SULT1E1: variants seen among roughly 807,000 people sequenced by gnomAD.
The protein encoded by SULT1E1 is sulfotransferase 1E1.
In SULT1E1, 36 loss-of-function variants were observed where a neutral mutation model predicts 33.6. That is an observed-to-expected ratio of 1.07 (90% CI 0.82 to 1.41). SULT1E1 has a LOEUF of 1.41. Ranked by LOEUF, SULT1E1 falls within the 40% of genes most tolerant of loss-of-function variation. SULT1E1 has a pLI of 0.00. For synonymous variants in SULT1E1, 121 were observed against 111.7 expected (o/e 1.08, Z -0.53); for missense variants, 371 against 345.7 (o/e 1.07, Z -0.58).
the SULT1E1 span, among the ~76,000 whole-genome samples, chr4:69,828,589 C>A: frequency 6.6e-6 from 1 of 152,150 alleles, no homozygotes. Context: ...ACAGTCACTG[C>A]AAGCTTCCGT....
Position 69,841,858 on chromosome 4 carries a change from GT to G in SULT1E1, c.*135del. On this transcript the variant is annotated 3_prime_UTR_variant, in exon 8 of 8. Coordinates refer to ENST00000226444, the MANE Select transcript of SULT1E1 (RefSeq NM_005420.3). Reference sequence around the variant, plus strand: ...TCTGTCTCAAAAAAAAAAAAAAAAAGTTAAACAAAAATTTAAAAAGAAAATG... The same window carrying G: ...TCTGTCTCAAAAAAAAAAAAAAAAAGTAAACAAAAATTTAAAAAGAAAATG... 1 of 406,072 alleles carries G rather than the reference GT, an allele frequency of 2.5e-6. No individual in the cohort carries two copies. The highest frequency in any genetic ancestry group is 4.2e-6 in the Non-Finnish European group (1 of 236,926). The allele number at this position is 406,072 out of a possible 1,614,324, so 25.2% of individuals were successfully genotyped here.
chr4:69,852,584 T>G (rs1364025148), intron 4 of SULT1E1, among the ~76,000 whole-genome samples: 1 of 152,194 alleles, frequency 6.6e-6, no homozygotes, highest in African/African-American at 2.4e-5. Context: ...AGCCTGTTAC[T>G]TTTTGTCACT....
At chr4:69,857,958 C>A (rs1312130536) in intron 1 of SULT1E1, among the ~76,000 whole-genome samples, 1 of 152,098 alleles carries the variant, frequency 6.6e-6, no homozygotes, top group Non-Finnish European at 1.5e-5. Context: ...ATAAAAACCA[C>A]AGAACCTTCA....
At chr4:69,833,807 G>A in the SULT1E1 span, among the ~76,000 whole-genome samples, 2 of 152,114 alleles carry the variant, frequency 1.3e-5, no homozygotes, top group Admixed American at 6.6e-5. Flanking sequence ...AACCCATGGA[G>A]ACATTGATTC....
chr4:69,854,109 T>G (rs1030735519), intron 4 of SULT1E1, 108 bp downstream of exon 4: 2 of 673,460 alleles, frequency 3.0e-6, no homozygotes, highest in Non-Finnish European at 5.0e-6. Flanking sequence ...TTGTTAAGTG[T>G]CTATAGATTC....
chr4:69,843,057 C>T (rs974285089), intron 7 of SULT1E1, among the ~76,000 whole-genome samples: 3 of 152,026 alleles, frequency 2.0e-5, no homozygotes, highest in East Asian at 1.9e-4. Flanking sequence ...AGGATGGTCT[C>T]GATCTCCTGA....
intron 4 of SULT1E1, among the ~76,000 whole-genome samples, chr4:69,852,312 A>G (rs1048934172): frequency 1.3e-5 from 2 of 152,072 alleles, no homozygotes; most frequent in African/African-American, 4.8e-5. Context: ...GGTGTGTGTG[A>G]TCTACTTGAT....
chr4:69,826,363 G>A, the SULT1E1 span, among the ~76,000 whole-genome samples: 2 of 152,080 alleles, frequency 1.3e-5, no homozygotes, highest in African/African-American at 4.8e-5. Flanking sequence ...GGACAGGCAT[G>A]GGTGCAGGTT....
At chr4:69,834,502 A>G in the SULT1E1 span, among the ~76,000 whole-genome samples, 2 of 152,118 alleles carry the variant, frequency 1.3e-5, no homozygotes, top group African/African-American at 4.8e-5. Flanking sequence ...TTCAGTGTTC[A>G]TCTCAAGCTG....
At chr4:69,854,449 A>T (rs1280372111) in intron 3 of SULT1E1, 135 bp from the exon 4 acceptor site, 5 of 582,568 alleles carry the variant, frequency 8.6e-6, no homozygotes, top group Non-Finnish European at 1.4e-5. Flanking sequence ...CACAAAGTAT[A>T]AATTCTTGAG....
downstream of SULT1E1, among the ~76,000 whole-genome samples, chr4:69,837,782 T>C (rs72648478): frequency 0.12 from 18,579 of 152,160 alleles, 1,266 homozygotes; most frequent in Middle Eastern, 0.18. Context: ...CCTCCCACCT[T>C]GACCTCCCAA....
At chr4:69,836,309 G>A (rs1720796819), downstream of SULT1E1, among the ~76,000 whole-genome samples, 1 of 152,152 alleles carries the variant, frequency 6.6e-6, no homozygotes, top group African/African-American at 2.4e-5. Context: ...TCTTGAGCAA[G>A]TCATTTATCT....
At chr4:69,848,942 A>C (rs1369001365) in intron 5 of SULT1E1, among the ~76,000 whole-genome samples, 1 of 151,912 alleles carries the variant, frequency 6.6e-6, no homozygotes, top group African/African-American at 2.4e-5. Context: ...AAATATTCAG[A>C]TTGCACTCTG....
intron 2 of SULT1E1, 97 bp from the exon 3 acceptor site, chr4:69,855,523 T>C: frequency 4.8e-6 from 6 of 1,254,492 alleles, no homozygotes; most frequent in Non-Finnish European, 6.5e-6. Flanking sequence ...AAGGTACCAA[T>C]GCAATACTAT....
chr4:69,855,003 C>T (rs1721207016), intron 3 of SULT1E1, among the ~76,000 whole-genome samples: 1 of 151,622 alleles, frequency 6.6e-6, no homozygotes. Flanking sequence ...GGGTATTTTT[C>T]TCCATATTTA....
intron 3 of SULT1E1, 115 bp from the exon 4 acceptor site, chr4:69,854,429 T>C (rs1435586445): frequency 1.9e-5 from 13 of 667,720 alleles, no homozygotes; most frequent in Non-Finnish European, 3.1e-5. Context: ...TGTAATTAGA[T>C]TGTGTGTAAC....
At chr4:69,821,459 G>T in the SULT1E1 span, among the ~76,000 whole-genome samples, 4 of 152,108 alleles carry the variant, frequency 2.6e-5, no homozygotes, top group East Asian at 7.7e-4. Context: ...GATATGAAAG[G>T]GCTGGATTTG....
intron 2 of SULT1E1, among the ~76,000 whole-genome samples, chr4:69,856,883 CA>C (rs1192708719): frequency 8.1e-6 from 1 of 123,868 alleles, no homozygotes; most frequent in Non-Finnish European, 1.6e-5. Context: ...TTGCAGTGAG[CA>C]GAGATCGCGC....
At chr4:69,853,256 T>C (rs1308889168) in intron 4 of SULT1E1, among the ~76,000 whole-genome samples, 1 of 152,250 alleles carries the variant, frequency 6.6e-6, no homozygotes, top group East Asian at 1.9e-4. Flanking sequence ...ACTTCATGTT[T>C]TCTCTGTATT....
Sources: gnomAD v4.1 joint callset for allele counts (sites outside exome capture counted in the v4.1 genomes callset) on GRCh38, gnomAD v4.1.1 for gene constraint, MANE v1.5 for transcripts, NCBI Gene and HGNC (gene_info 2026-07-23, HGNC 2026-07-21) for gene names.